Variants in TBX2 observed in about 807,000 individuals in gnomAD.
The protein encoded by TBX2 is T-box transcription factor 2.
A neutral mutation model predicts 48.4 loss-of-function variants in TBX2; 19 were observed. The observed-to-expected ratio is 0.39, with a 90% CI of 0.27 to 0.58. The LOEUF (loss-of-function observed/expected upper bound fraction) is 0.58. Among genes scored for constraint, TBX2 ranks in the 20% least tolerant of loss-of-function variants. TBX2 has a pLI of 0.54. For synonymous variants in TBX2, 522 were observed against 459.7 expected, an observed-to-expected ratio of 1.14 and a Z score of -1.73; for missense variants, 994 against 1,006.5, an observed-to-expected ratio of 0.99 and a Z score of 0.17.
rs545290637 is a variant in TBX2, at chr17:61,408,743, C to G, written c.*237C>G. 1 of 413,138 alleles carries G rather than the reference C, an allele frequency of 2.4e-6. No individual in the cohort carries two copies. Among genetic ancestry groups the G allele is most frequent in the African/African-American group, 2.1e-5 (1 of 48,762 alleles). The allele number at this position is 413,138 out of a possible 1,614,324, so 25.6% of individuals were successfully genotyped here. A position where few individuals can be genotyped will look rare whatever the true frequency, so the allele number is the denominator to read the frequency against. ...GGAGCTGCTGGGCTAGGTCCAGATC[C>G]GCTCCAGCGTCAAGGTGGCATCCGA... On this transcript the variant is annotated 3_prime_UTR_variant, in exon 7 of 7. Coordinates refer to ENST00000240328, the MANE Select transcript of TBX2 (RefSeq NM_005994.4).
In TBX2 at chr17:61,405,741, G is replaced by A; in HGVS notation, c.1591G>A (p.Gly531Arg). ...AGGTGGCGGGCCTGGGACCGCCGCG[G>A]GGCTGGACGCAGGCGGGCTGGGTCC... ...GGGGGPGTAAGLDAGGLGPAA... is the reference protein window; with the variant it reads ...GGGGGPGTAARLDAGGLGPAA... The change falls in exon 6 of 7, where the codon GGG becomes AGG. Residue 531 changes from glycine to arginine, a missense_variant. By Grantham distance (125) the Gly-to-Arg change is moderately radical (BLOSUM62 -2). Transcript: ENST00000240328. 7.4e-7 allele frequency: 1 copy of A among 1,351,930 alleles called. No homozygotes were observed. Among genetic ancestry groups the A allele is most frequent in the Non-Finnish European group, 9.5e-7 (1 of 1,057,670 alleles). The allele number at this position is 1,351,930 out of a possible 1,614,324, so 83.7% of individuals were successfully genotyped here. A position where few individuals can be genotyped will look rare whatever the true frequency, so the allele number is the denominator to read the frequency against.
At chr17:61,404,800 G>A (rs1477219222) in intron 5 of TBX2, 31 bp downstream of exon 5, 2 of 1,486,730 alleles carry the variant, frequency 1.3e-6, no homozygotes, top group Non-Finnish European at 1.8e-6. Flanking sequence ...GGGACAGGGA[G>A]GTGGCGGCGG....
In TBX2 at chr17:61,405,755, C is replaced by A. The variant is rs2060286340; in HGVS notation, c.1605C>A (p.Gly535=). The A allele has an allele frequency of 2.2e-6, 3 of 1,337,884 alleles. No homozygotes were observed. Among genetic ancestry groups the A allele is most frequent in the Non-Finnish European group, 2.9e-6 (3 of 1,050,250 alleles). The allele number at this position is 1,337,884 out of a possible 1,614,324, so 82.9% of individuals were successfully genotyped here. The change falls in exon 6 of 7, where the codon GGC becomes GGA. Residue 535 remains glycine (G), a synonymous_variant. Transcript: ENST00000240328. The stretch of plus-strand genomic sequence containing the variant: ...GGACCGCCGCGGGGCTGGACGCAGG[C>A]GGGCTGGGTCCCGCGGCCAGCGCAG... The part of the protein sequence containing the change: ...GPGTAAGLDA[G]GLGPAASAAS...
At position 61,403,162 on chromosome 17, in the gene TBX2, C is replaced by T. The variant is rs1430882101; in HGVS notation, c.765C>T (p.Phe255=). 1 of 1,613,710 alleles carries T rather than the reference C, an allele frequency of 6.2e-7. No homozygotes were observed. The highest frequency in any genetic ancestry group is 1.3e-5 in the African/African-American group (1 of 75,076). The change falls in exon 3 of 7, where the codon TTC becomes TTT. Residue 255 remains phenylalanine (F), a synonymous_variant. Transcript: ENST00000240328. This position sits in a 1 kb window ranked among gnomAD's most constrained non-coding sequence, Gnocchi z 5.8. ...ACAGCACCTTCCGCACCTACGTGTT[C>T]CCGGAGACCGACTTCATCGCCGTCA... ...LPYSTFRTYV[F]PETDFIAVTA...
At position 61,401,858 on chromosome 17, in the gene TBX2, A is replaced by C; in HGVS notation, c.570A>C (p.Pro190=). 6.2e-7 allele frequency: 1 copy of C among 1,613,052 alleles called. No individual in the cohort carries two copies. The highest frequency in any genetic ancestry group is 1.1e-5 in the South Asian group (1 of 91,090). ...PEMPKRMYIH[P]DSPATGEQWM... ...TGCCCAAACGCATGTACATCCACCCAGACAGCCCAGCCACGGGGGAGCAGT... is the reference window on the plus strand; with the variant it reads ...TGCCCAAACGCATGTACATCCACCCCGACAGCCCAGCCACGGGGGAGCAGT... Residue 190 remains proline, a synonymous_variant, in exon 2 of 7, where the codon CCA becomes CCC. Transcript: ENST00000240328.
At chr17:61,402,069 T>A (rs1341615363) in intron 2 of TBX2, 118 bp downstream of exon 2, 48 of 1,424,256 alleles carry the variant, frequency 3.4e-5, no homozygotes, top group Non-Finnish European at 3.2e-5. Flanking sequence ...ACCCCCAGAG[T>A]GCCCCTGCCC....
Position 61,405,734 on chromosome 17 carries a change from C to T in TBX2, c.1584C>T (p.Thr528=), listed in dbSNP as rs1458034863. ...ACGGCGGAGGTGGCGGGCCTGGGACCGCCGCGGGGCTGGACGCAGGCGGGC... is the reference window on the plus strand; with the variant it reads ...ACGGCGGAGGTGGCGGGCCTGGGACTGCCGCGGGGCTGGACGCAGGCGGGC... The part of the protein sequence containing the change: ...GGNGGGGGPG[T]AAGLDAGGLG... Residue 528 remains threonine, a synonymous_variant, in exon 6 of 7, where the codon ACC becomes ACT. Transcript: ENST00000240328. 5 of 1,361,902 alleles carry T rather than the reference C, an allele frequency of 3.7e-6. No homozygotes were observed. The highest frequency in any genetic ancestry group is 7.8e-5 in the Admixed American group (2 of 25,624). 84.4% of individuals were successfully genotyped at this position (1,361,902 alleles called of 1,614,324 possible). A position where few individuals can be genotyped will look rare whatever the true frequency, so the allele number is the denominator to read the frequency against.
chr17:61,406,252 C>T lies in TBX2; in HGVS notation c.1686+416C>T. 1 of 172,498 alleles carries T rather than the reference C, an allele frequency of 5.8e-6. No individual in the cohort carries two copies. Among genetic ancestry groups the T allele is most frequent in the Non-Finnish European group, 1.2e-5 (1 of 81,974 alleles). 10.7% of individuals were successfully genotyped at this position (172,498 alleles called of 1,614,324 possible). A position where few individuals can be genotyped will look rare whatever the true frequency, so the allele number is the denominator to read the frequency against. ...AAAGACCCTTGGCTCCCTGTCCATTCTGAAAGGCTAAGGTGGCCAGACAGA... is the reference window on the plus strand; with the variant it reads ...AAAGACCCTTGGCTCCCTGTCCATTTTGAAAGGCTAAGGTGGCCAGACAGA... On this transcript the variant is annotated intron_variant, in intron 6 of 6. Transcript: ENST00000240328. The surrounding 1 kb of genome is among the most constrained non-coding windows in gnomAD (Gnocchi z 5.7).
At chr17:61,405,031 C>T in intron 5 of TBX2, 171 bp from the exon 6 acceptor site, 2 of 1,410,976 alleles carry the variant, frequency 1.4e-6, no homozygotes, top group Non-Finnish European at 9.7e-7. Context: ...GGCTGGGTTC[C>T]TTCCACTGTA....
chr17:61,405,265 C>CG lies in TBX2; in HGVS notation c.1120dup (p.Ala374GlyfsTer28), dbSNP rs1569016562. Reference sequence around the variant, plus strand: ...CCTGAGCGGTTGAGCGAGGAGCGTGCGGGGGCGCCGCTAGGCCGCAGCCCG... The same window carrying CG: ...CCTGAGCGGTTGAGCGAGGAGCGTGCGGGGGGCGCCGCTAGGCCGCAGCCCG... On this transcript the variant is annotated frameshift_variant, in exon 6 of 7. Transcript: ENST00000240328. LOFTEE classifies it high-confidence loss of function. 1.3e-6 allele frequency: 2 copies of CG among 1,569,774 alleles called. No individual in the cohort carries two copies. Among genetic ancestry groups the CG allele is most frequent in the Admixed American group, 1.8e-5 (1 of 55,962 alleles).
At position 61,403,515 on chromosome 17, in the gene TBX2, T is replaced by G. The variant is rs536037102; in HGVS notation, c.810+308T>G. 6.6e-6 allele frequency among the ~76,000 whole-genome samples: 1 copy of G among 152,352 alleles called. No individual in the cohort carries two copies. The highest frequency in any genetic ancestry group is 1.9e-4 in the East Asian group (1 of 5,192). On this transcript the variant is annotated intron_variant, in intron 3 of 6. Coordinates refer to ENST00000240328, the MANE Select transcript of TBX2 (RefSeq NM_005994.4). This position sits in a 1 kb window ranked among gnomAD's most constrained non-coding sequence, Gnocchi z 5.8. ...GGGCCCGCGCTGACATTTTTACATT[T>G]TATTCGTTTATTTCTTGGCTCAGGA... is the stretch of plus-strand genomic sequence containing the variant.
In TBX2 at chr17:61,408,390, C is replaced by A; in HGVS notation, c.2023C>A (p.Leu675Met). 1 of 1,560,286 alleles carries A rather than the reference C, an allele frequency of 6.4e-7. No individual in the cohort carries two copies. The highest frequency in any genetic ancestry group is 8.7e-7 in the Non-Finnish European group (1 of 1,153,208). Residue 675 changes from leucine to methionine, a missense_variant, in exon 7 of 7, where the codon CTG becomes ATG. Leu to Met is a conservative substitution (Grantham distance 15). Transcript: ENST00000240328. ...AGTAGGGGCCCCATCCCGCGGTGCC[C>A]TGTCGCCCAGTGGCTCGGCCAAGGA... ...RKVGAPSRGA[L>M]SPSGSAKEAA...
At position 61,400,175 on chromosome 17, in the gene TBX2, C is replaced by T. The variant is rs765340485; in HGVS notation, c.-2C>T. 3 of 1,109,014 alleles carry T rather than the reference C, an allele frequency of 2.7e-6. No homozygotes were observed. Among genetic ancestry groups the T allele is most frequent in the South Asian group, 2.3e-5 (1 of 43,060 alleles). 68.7% of individuals were successfully genotyped at this position (1,109,014 alleles called of 1,614,324 possible). A position where few individuals can be genotyped will look rare whatever the true frequency, so the allele number is the denominator to read the frequency against. ...CCCCGGGCGCCTGGGCCGGATGTCC[C>T]GATGAGAGAGCCGGCGCTGGCGGCC... On this transcript the variant is annotated 5_prime_UTR_variant, in exon 1 of 7. Coordinates refer to ENST00000240328, the MANE Select transcript of TBX2 (RefSeq NM_005994.4). The surrounding 1 kb of genome is among the most constrained non-coding windows in gnomAD (Gnocchi z 9.2).
Position 61,408,220 on chromosome 17 carries a change from G to A in TBX2, c.1853G>A (p.Arg618Gln), listed in dbSNP as rs777954444. ...RSPFLGSARP[R>Q]LRFSPYQIPV... ...CCCTTCCTGGGCAGTGCCCGGCCCC[G>A]ACTGCGTTTCAGCCCCTATCAGATC... The change falls in exon 7 of 7, where the codon CGA (arginine) becomes CAA (glutamine). Residue 618 changes from arginine to glutamine, a missense_variant. Coordinates refer to ENST00000240328, the MANE Select transcript of TBX2 (RefSeq NM_005994.4). 9.3e-6 allele frequency: 15 copies of A among 1,612,778 alleles called. No homozygotes were observed. In the South Asian group the frequency reaches 1.3e-4, roughly 14 times the overall value.
In TBX2 at chr17:61,403,102, C is replaced by T. The variant is rs1013125196; in HGVS notation, c.705C>T (p.His235=). 6.2e-7 allele frequency: 1 copy of T among 1,613,610 alleles called. No individual in the cohort carries two copies. The highest frequency in any genetic ancestry group is 8.5e-7 in the Non-Finnish European group (1 of 1,180,030). The change falls in exon 3 of 7, where the codon CAC becomes CAT. Residue 235 remains histidine (H), a synonymous_variant. Coordinates refer to ENST00000240328, the MANE Select transcript of TBX2 (RefSeq NM_005994.4). The surrounding 1 kb of genome is among the most constrained non-coding windows in gnomAD (Gnocchi z 5.8). ...TGCACAAGTACCAGCCGCGCTTCCACATAGTGCGAGCCAACGACATCCTGA... is the reference window on the plus strand; with the variant it reads ...TGCACAAGTACCAGCCGCGCTTCCATATAGTGCGAGCCAACGACATCCTGA... ...NSMHKYQPRF[H]IVRANDILKL...
Position 61,405,766 on chromosome 17 carries a change from C to G in TBX2, c.1616C>G (p.Pro539Arg). Residue 539 changes from proline (P) to arginine (R), a missense_variant, in exon 6 of 7, where the codon CCC becomes CGC. By Grantham distance (103) the Pro-to-Arg change is moderately radical. This residue lies in a region of TBX2 where 639 missense variants were observed against 613.2 expected (regional missense o/e 1.04). Coordinates refer to ENST00000240328, the MANE Select transcript of TBX2 (RefSeq NM_005994.4). ...AAGLDAGGLG[P>R]AASAASTAAP... ...GGGCTGGACGCAGGCGGGCTGGGTC[C>G]CGCGGCCAGCGCAGCAAGCACCGCC... The G allele has an allele frequency of 7.5e-7, 1 of 1,334,472 alleles. No individual in the cohort carries two copies. Among genetic ancestry groups the G allele is most frequent in the Non-Finnish European group, 9.5e-7 (1 of 1,048,510 alleles). The allele number at this position is 1,334,472 out of a possible 1,614,324, so 82.7% of individuals were successfully genotyped here.
chr17:61,405,238 A>T lies in TBX2; in HGVS notation c.1088A>T (p.Glu363Val). The change falls in exon 6 of 7, where the codon GAG (glutamate) becomes GTG (valine). Residue 363 changes from glutamate (E) to valine (V), a missense_variant. By Grantham distance (121) the Glu-to-Val change is moderately radical. Coordinates refer to ENST00000240328, the MANE Select transcript of TBX2 (RefSeq NM_005994.4). ...EKSCAADSDP[E>V]PERLSEERAG... Reference sequence around the variant, plus strand: ...TCGTGCGCCGCGGACAGCGACCCGGAGCCTGAGCGGTTGAGCGAGGAGCGT... The same window carrying T: ...TCGTGCGCCGCGGACAGCGACCCGGTGCCTGAGCGGTTGAGCGAGGAGCGT... 6.4e-7 allele frequency: 1 copy of T among 1,569,312 alleles called. No individual in the cohort carries two copies. Among genetic ancestry groups the T allele is most frequent in the South Asian group, 1.2e-5 (1 of 86,168 alleles).
At chr17:61,401,089 C>G (rs937633398) in intron 1 of TBX2, among the ~76,000 whole-genome samples, 1 of 152,198 alleles carries the variant, frequency 6.6e-6, no homozygotes, top group Non-Finnish European at 1.5e-5. Flanking sequence ...CTTTCTCCAC[C>G]GCGGGCATCC....
rs1156795737 is a variant in TBX2 at position 61,406,891 on chromosome 17, G to C, written c.1686+1055G>C. On this transcript the variant is annotated intron_variant, in intron 6 of 6. Coordinates refer to ENST00000240328, the MANE Select transcript of TBX2 (RefSeq NM_005994.4). The surrounding 1 kb of genome is among the most constrained non-coding windows in gnomAD (Gnocchi z 5.7). The stretch of plus-strand genomic sequence containing the variant: ...CTCTGGAGAAAGTTCAGGGCCCAGA[G>C]GTTTAATCTGCACCCCTGATTATTT... 6.6e-6 allele frequency: 1 copy of C among 152,156 alleles called. No homozygotes were observed. The highest frequency in any genetic ancestry group is 1.5e-5 in the Non-Finnish European group (1 of 68,050). 9.4% of individuals were successfully genotyped at this position (152,156 alleles called of 1,614,324 possible).
Sources: gnomAD v4.1 joint callset for allele counts (sites outside exome capture counted in the v4.1 genomes callset) on GRCh38, gnomAD v4.1.1 for gene constraint, gnomAD v4.1.1 regional missense constraint, Gnocchi (gnomAD v3.1) non-coding constraint, MANE v1.5 for transcripts, NCBI Gene and HGNC (gene_info 2026-07-23, HGNC 2026-07-21) for gene names.